Variants in ANKRD44 observed in about 807,000 individuals in gnomAD.
The protein encoded by ANKRD44 is ankyrin repeat domain 44.
ANKRD44 carries 35 observed loss-of-function variants against 116.0 expected under a neutral mutation model. The ratio of observed to expected loss-of-function variants is 0.30; its 90% CI spans 0.23 to 0.40. The LOEUF (loss-of-function observed/expected upper bound fraction) is 0.40. Among genes scored for constraint, ANKRD44 ranks in the 10% least tolerant of loss-of-function variants. ANKRD44 has a pLI of 1.00. For synonymous variants in ANKRD44, 435 were observed against 461.8 expected, an observed-to-expected ratio of 0.94 and a Z score of 0.74; for missense variants, 1,014 against 1,242.6, an observed-to-expected ratio of 0.82 and a Z score of 2.77.
At chr2:196,970,574 T>G (rs532481752) in intron 21 of ANKRD44, among the ~76,000 whole-genome samples, 44 of 152,322 alleles carry the variant, frequency 2.9e-4, no homozygotes, top group African/African-American at 1.0e-3. Flanking sequence ...TAGCATTAAG[T>G]AGAATGATTG....
intron 2 of ANKRD44, among the ~76,000 whole-genome samples, chr2:197,178,146 T>C (rs1028508332): frequency 3.3e-5 from 5 of 152,174 alleles, no homozygotes; most frequent in African/African-American, 1.2e-4. Flanking sequence ...TGGGATTTGA[T>C]TTTCATCTTT....
intron 2 of ANKRD44, among the ~76,000 whole-genome samples, chr2:197,157,512 T>C (rs536150664): frequency 6.6e-6 from 1 of 151,502 alleles, no homozygotes; most frequent in South Asian, 2.1e-4. Flanking sequence ...CCCTCTCTAC[T>C]AAAAATACAA....
intron 2 of ANKRD44, among the ~76,000 whole-genome samples, chr2:197,186,606 A>ATTTTTTTTT (rs2080669547): frequency 2.5e-5 from 2 of 81,472 alleles, no homozygotes. Flanking sequence ...TGCCCGGCTA[A>ATTTTTTTTT]TTTTTCTTTT....
intron 16 of ANKRD44, among the ~76,000 whole-genome samples, chr2:197,070,372 C>G (rs920949608): frequency 6.6e-6 from 1 of 152,098 alleles, no homozygotes; most frequent in African/African-American, 2.4e-5. Flanking sequence ...TGCTCTTTAT[C>G]AAGTTGAGGA....
At chr2:197,122,428 T>C (rs2078877892) in intron 7 of ANKRD44, among the ~76,000 whole-genome samples, 1 of 152,210 alleles carries the variant, frequency 6.6e-6, no homozygotes, top group Admixed American at 6.5e-5. Context: ...TGTCTATATA[T>C]TTATCTATGT....
intron 1 of ANKRD44, among the ~76,000 whole-genome samples, chr2:197,248,310 C>T (rs78829517): frequency 0.029 from 4,439 of 152,022 alleles, 189 homozygotes; most frequent in African/African-American, 0.098. Context: ...CTGGCCATCC[C>T]AAGCAAGACG....
chr2:197,182,783 T>C (rs1325701289), intron 2 of ANKRD44, among the ~76,000 whole-genome samples: 1 of 152,102 alleles, frequency 6.6e-6, no homozygotes, highest in African/African-American at 2.4e-5. Context: ...CTGCCTTTGG[T>C]TGGAAAAAAA....
intron 2 of ANKRD44, among the ~76,000 whole-genome samples, chr2:197,186,398 A>G (rs957825178): frequency 6.6e-6 from 1 of 152,138 alleles, no homozygotes; most frequent in Non-Finnish European, 1.5e-5. Flanking sequence ...AACTCAAAAT[A>G]CTGATTATGC....
Position 197,160,074 on chromosome 2 carries a change from G to A in ANKRD44, c.112-12969C>T, listed in dbSNP as rs142219287. ...CACACACACATACACACATGCACACGCACACACATACGCATGCACTTTCAT... is the reference window on the plus strand; with the variant it reads ...CACACACACATACACACATGCACACACACACACATACGCATGCACTTTCAT... On this transcript the variant is annotated intron_variant, in intron 2 of 27. Transcript: ENST00000282272. Among the ~76,000 whole-genome samples, 660 of 151,898 alleles carry A rather than the reference G, an allele frequency of 4.3e-3. 3 individuals are homozygous for A. Among genetic ancestry groups the A allele is most frequent in the African/African-American group, 0.015 (602 of 41,450 alleles).
chr2:197,185,686 T>A (rs1055834928), intron 2 of ANKRD44, among the ~76,000 whole-genome samples: 4 of 152,254 alleles, frequency 2.6e-5, no homozygotes, highest in African/African-American at 9.6e-5. Context: ...ACCTTCCAGA[T>A]ACAGTGATTC....
chr2:197,045,775 T>C (rs1332322180), intron 16 of ANKRD44, among the ~76,000 whole-genome samples: 3 of 152,214 alleles, frequency 2.0e-5, no homozygotes, highest in African/African-American at 4.8e-5. Context: ...CAAGAAGGCA[T>C]GCATTATTTA....
At chr2:197,178,239 A>C (rs1355984281) in intron 2 of ANKRD44, among the ~76,000 whole-genome samples, 2 of 152,148 alleles carry the variant, frequency 1.3e-5, no homozygotes, top group Non-Finnish European at 2.9e-5. Context: ...GGGAGGCCAA[A>C]ACAGGAGGAT....
intron 10 of ANKRD44, among the ~76,000 whole-genome samples, chr2:197,090,874 G>A (rs539619235): frequency 1.3e-5 from 2 of 152,176 alleles, no homozygotes; most frequent in East Asian, 3.9e-4. Context: ...CTGGACTTCA[G>A]GGGAAGATTA....
At chr2:197,139,858 G>T (rs1014049954) in intron 3 of ANKRD44, among the ~76,000 whole-genome samples, 12 of 109,042 alleles carry the variant, frequency 1.1e-4, no homozygotes, top group Middle Eastern at 0.01. Flanking sequence ...TTGTGTGTGT[G>T]TGTGTGTGTG....
At chr2:197,180,050 C>A (rs1195491106) in intron 2 of ANKRD44, among the ~76,000 whole-genome samples, 2 of 152,088 alleles carry the variant, frequency 1.3e-5, no homozygotes, top group Non-Finnish European at 2.9e-5. Context: ...AAACCATCAG[C>A]TTTCCTCCAC....
chr2:197,212,857 C>T lies in ANKRD44; in HGVS notation c.28-25751G>A, dbSNP rs939548568. Among the ~76,000 whole-genome samples the T allele has an allele frequency of 9.2e-5, 14 of 152,208 alleles. No individual in the cohort carries two copies. The highest frequency in any genetic ancestry group is 3.4e-4 in the African/African-American group (14 of 41,448). On this transcript the variant is annotated intron_variant, in intron 1 of 27. Coordinates refer to ENST00000282272, the MANE Select transcript of ANKRD44 (RefSeq NM_001195144.2). The surrounding 1 kb of genome is among the most constrained non-coding windows in gnomAD (Gnocchi z 4.8). ...CCACGGTGAGAGAGAAAAAAGGAAA[C>T]ACGACCCCACAGCTTCCTCTGCATC...
rs371286336 is a variant in ANKRD44, at chr2:197,157,516, AAT to A, written c.112-10413_112-10412del. On this transcript the variant is annotated intron_variant, in intron 2 of 27. Transcript: ENST00000282272. The stretch of plus-strand genomic sequence containing the variant: ...ATGGTGAAACTCCCTCTCTACTAAA[AAT>A]ACAAAAAAAACTAGCCTGGCGTGGT... Among the ~76,000 whole-genome samples the A allele has an allele frequency of 9.9e-3, 1,503 of 152,162 alleles. 28 individuals are homozygous for A. Among genetic ancestry groups the A allele is most frequent in the African/African-American group, 0.035 (1,442 of 41,504 alleles).
chr2:197,244,581 C>T (rs972304426), intron 1 of ANKRD44, among the ~76,000 whole-genome samples: 7 of 152,182 alleles, frequency 4.6e-5, no homozygotes, highest in Admixed American at 2.0e-4. Context: ...TGTGTCAGAA[C>T]TCATCTACCA....
intron 2 of ANKRD44, among the ~76,000 whole-genome samples, chr2:197,180,874 A>G (rs2125579891): frequency 6.6e-6 from 1 of 152,350 alleles, no homozygotes; most frequent in Admixed American, 6.5e-5. Context: ...ACACTTCAAC[A>G]TACACATACA....
Sources: gnomAD v4.1 joint callset for allele counts (sites outside exome capture counted in the v4.1 genomes callset) on GRCh38, gnomAD v4.1.1 for gene constraint, Gnocchi (gnomAD v3.1) non-coding constraint, MANE v1.5 for transcripts, NCBI Gene and HGNC (gene_info 2026-07-23, HGNC 2026-07-21) for gene names.